C11orf65: variants seen among roughly 807,000 people sequenced by gnomAD.
C11orf65 encodes the protein protein MFI.
C11orf65 carries 38 observed loss-of-function variants against 35.3 expected under a neutral mutation model. The ratio of observed to expected loss-of-function variants is 1.08; its 90% confidence interval spans 0.83 to 1.41. The LOEUF is 1.41. C11orf65 is among the 40% of genes most tolerant of loss of function. The pLI is 0.00. For missense variants in C11orf65, 370 were observed against 367.1 expected (o/e 1.01, Z -0.06); for synonymous variants, 105 against 114.4 (o/e 0.92, Z 0.53).
At chr11:108,359,766 G>A (rs370161537) in intron 2 of C11orf65, among the ~76,000 whole-genome samples, 18 of 151,938 alleles carry the variant, frequency 1.2e-4, no homozygotes, top group South Asian at 1.0e-3. Flanking sequence ...AAGACACAAC[G>A]TACCAGAATC....
chr11:108,416,870 A>G (rs926193350), intron 3 of C11orf65, among the ~76,000 whole-genome samples: 6 of 152,208 alleles, frequency 3.9e-5, no homozygotes, highest in African/African-American at 9.6e-5. Context: ...TACTCTTACC[A>G]TAAGATCCAT....
rs757700764 is a variant in C11orf65, at chr11:108,393,278, C to T, written c.661G>A (p.Gly221Arg). The T allele has an allele frequency of 6.2e-7, 1 of 1,614,020 alleles. No individual in the cohort carries two copies. Among genetic ancestry groups the T allele is most frequent in the South Asian group, 1.1e-5 (1 of 91,072 alleles). ...KGLIRAFEDG[G>R]IDSVMEWEVD... ...TCCCATTCCATCACAGAATCTATCC[C>T]CCCATCTTCAAAAGCTCTAATCAGC... is the stretch of plus-strand genomic sequence containing the variant. The change falls in exon 7 of 9, where the codon GGG becomes AGG. Residue 221 changes from glycine to arginine, a missense_variant. Coordinates refer to ENST00000393084, the MANE Select transcript of C11orf65 (RefSeq NM_152587.5).
chr11:108,418,305 T>G (rs542265326), intron 3 of C11orf65, among the ~76,000 whole-genome samples: 1 of 152,232 alleles, frequency 6.6e-6, no homozygotes, highest in East Asian at 1.9e-4. Context: ...AAAATATATA[T>G]TCTTTTCAAG....
intron 3 of C11orf65, among the ~76,000 whole-genome samples, chr11:108,332,512 AG>A (rs1042375792): frequency 1.1e-4 from 16 of 152,172 alleles, no homozygotes; most frequent in African/African-American, 3.9e-4. Context: ...TACCAGTAGT[AG>A]TTTACTTTTT....
At chr11:108,351,810 A>G (rs2089234238) in intron 2 of C11orf65, among the ~76,000 whole-genome samples, 1 of 152,204 alleles carries the variant, frequency 6.6e-6, no homozygotes, top group South Asian at 2.1e-4. Flanking sequence ...CAGTAACCCT[A>G]TGTTAGGCCT....
At chr11:108,403,383 C>T (rs1225980683) in intron 6 of C11orf65, among the ~76,000 whole-genome samples, 2 of 138,132 alleles carry the variant, frequency 1.4e-5, no homozygotes, top group African/African-American at 5.4e-5. Context: ...ATTTTTTGCC[C>T]ACTTTAAAAT....
intron 7 of C11orf65, among the ~76,000 whole-genome samples, chr11:108,391,659 G>A (rs981441359): frequency 6.6e-6 from 1 of 152,006 alleles, no homozygotes; most frequent in African/African-American, 2.4e-5. Context: ...GATTACAGGC[G>A]TGAGCCACCA....
At chr11:108,417,979 A>G (rs11319999) in intron 3 of C11orf65, among the ~76,000 whole-genome samples, 16,237 of 152,024 alleles carry the variant, frequency 0.11, 1,224 homozygotes, top group Non-Finnish European at 0.15. Context: ...AAAAAAAAAA[A>G]AGAGACAGTT....
chr11:108,345,109 G>A (rs1311295007), intron 2 of C11orf65, among the ~76,000 whole-genome samples: 1 of 152,168 alleles, frequency 6.6e-6, no homozygotes, highest in Non-Finnish European at 1.5e-5. Context: ...TTGAAGAATA[G>A]AAGAGGTGAC....
intron 3 of C11orf65, among the ~76,000 whole-genome samples, chr11:108,424,177 C>T (rs1168515082): frequency 6.6e-6 from 1 of 152,058 alleles, no homozygotes; most frequent in African/African-American, 2.4e-5. Context: ...AGAGGAATTG[C>T]TATCTAGAAT....
At chr11:108,413,283 A>G (rs1235874453) in intron 3 of C11orf65, among the ~76,000 whole-genome samples, 1 of 152,180 alleles carries the variant, frequency 6.6e-6, no homozygotes, top group Non-Finnish European at 1.5e-5. Flanking sequence ...TAGAGTATCC[A>G]TCACCCAATT....
At chr11:108,449,742 T>C (rs1269285142) in intron 2 of C11orf65, among the ~76,000 whole-genome samples, 2 of 151,972 alleles carry the variant, frequency 1.3e-5, no homozygotes, top group Admixed American at 6.6e-5. Context: ...ACTTCATGTC[T>C]GAAACACCAA....
Position 108,416,195 on chromosome 11 carries a change from A to G in C11orf65, c.175-9046T>C, listed in dbSNP as rs59534949. Among the ~76,000 whole-genome samples, 1,389 of 152,326 alleles carry G rather than the reference A, an allele frequency of 9.1e-3. 20 individuals carry two copies. Among genetic ancestry groups the G allele is most frequent in the African/African-American group, 0.031 (1,301 of 41,552 alleles). ...TGGGAAGAAAATACTTGCAAAACAC[A>G]TATCTGATAAAGGGCTGGTATTTAA... On this transcript the variant is annotated intron_variant, in intron 3 of 8. Coordinates refer to ENST00000393084, the MANE Select transcript of C11orf65 (RefSeq NM_152587.5).
chr11:108,427,450 G>GTT (rs1565681820), intron 3 of C11orf65, among the ~76,000 whole-genome samples: 1 of 151,310 alleles, frequency 6.6e-6, no homozygotes, highest in Non-Finnish European at 1.5e-5. Context: ...GGCCGGGCGC[G>GTT]GGCTGACGCC....
intron 6 of C11orf65, among the ~76,000 whole-genome samples, chr11:108,317,098 T>A (rs1280959979): frequency 6.1e-5 from 5 of 81,914 alleles, no homozygotes; most frequent in Non-Finnish European, 8.9e-5. Context: ...CATACCCAGC[T>A]ATTTTAAAAA....
chr11:108,327,438 G>T, downstream of C11orf65: 1 of 518,562 alleles, frequency 1.9e-6, no homozygotes. Flanking sequence ...TCCAATAATG[G>T]CAATAATAAT....
chr11:108,345,626 A>G lies in C11orf65; in HGVS notation c.227-10334T>C, dbSNP rs1004898515. ...CCAGACTGTTAGCTTCTTGTAGGTA[A>G]TGTATCCTGTTCATCTTTATTGCCC... On this transcript the variant is annotated intron_variant, in intron 2 of 3. Transcript: ENST00000524755. 3.8e-6 allele frequency: 3 copies of G among 799,088 alleles called. No homozygotes were observed. The African/African-American group carries it at 5.2e-5, about 14-fold the overall frequency. The allele number at this position is 799,088 out of a possible 1,614,324, so 49.5% of individuals were successfully genotyped here. A position where few individuals can be genotyped will look rare whatever the true frequency, so the allele number is the denominator to read the frequency against.
intron 2 of C11orf65, among the ~76,000 whole-genome samples, chr11:108,371,317 C>T (rs2091568583): frequency 6.6e-6 from 1 of 152,142 alleles, no homozygotes; most frequent in Admixed American, 6.5e-5. Flanking sequence ...CAGTGGTGTG[C>T]AACCAACCTC....
intron 1 of C11orf65, among the ~76,000 whole-genome samples, chr11:108,462,987 C>T (rs1481809625): frequency 6.6e-6 from 1 of 152,020 alleles, no homozygotes; most frequent in African/African-American, 2.4e-5. Flanking sequence ...AAAAGCTGGG[C>T]AGGTTGGCAC....
Sources: allele counts gnomAD v4.1 joint callset (sites outside exome capture counted in the v4.1 genomes callset), GRCh38; gene constraint gnomAD v4.1.1; transcripts MANE v1.5; gene names NCBI Gene and HGNC (gene_info 2026-07-23, HGNC 2026-07-21).